The following CADM2 variants were observed in gnomAD, a reference collection of about 807,000 sequenced individuals.
CADM2 encodes cell adhesion molecule 2.
CADM2 carries 12 observed loss-of-function variants against 49.8 expected under a neutral mutation model. That is an observed-to-expected ratio of 0.24 (90% CI 0.15 to 0.39). The LOEUF (loss-of-function observed/expected upper bound fraction) is 0.39. Ranked by LOEUF, CADM2 falls within the 10% of genes least tolerant of loss-of-function variation. CADM2 has a pLI of 1.00. For missense variants in CADM2, 378 were observed against 492.3 expected (o/e 0.77, Z 2.20); for synonymous variants, 214 against 175.4 (o/e 1.22, Z -1.74).
chr3:85,221,338 C>A (rs1345835049), intron 1 of CADM2, among the ~76,000 whole-genome samples: 1 of 152,076 alleles, frequency 6.6e-6, no homozygotes, highest in Non-Finnish European at 1.5e-5. Context: ...TAATCTCTAT[C>A]TTTTTAGTAT....
intron 1 of CADM2, among the ~76,000 whole-genome samples, chr3:85,111,621 A>G (rs1267393595): frequency 2.0e-5 from 3 of 150,558 alleles, no homozygotes; most frequent in South Asian, 4.2e-4. Context: ...AGGATGGTAT[A>G]GGGTTGTGGA....
rs550039205 is a variant in CADM2 at position 85,489,016 on chromosome 3, T to C, written c.62-237506T>C. Among the ~76,000 whole-genome samples the C allele has an allele frequency of 6.6e-4, 101 of 152,292 alleles. 1 individual carries two copies. Among genetic ancestry groups the C allele is most frequent in the African/African-American group, 2.3e-3 (96 of 41,564 alleles). On this transcript the variant is annotated intron_variant, in intron 1 of 9. Transcript: ENST00000383699. The stretch of plus-strand genomic sequence containing the variant: ...TACTGTGTATATTTATTTATATATT[T>C]TCCTGGGTAATATCTTAAGAATCTT...
intron 1 of CADM2, among the ~76,000 whole-genome samples, chr3:85,533,446 A>C (rs1366866497): frequency 2.0e-5 from 3 of 152,148 alleles, no homozygotes; most frequent in Admixed American, 2.0e-4. Context: ...ATTTCTGAGG[A>C]GGCAAAAGTC....
chr3:85,844,375 A>T (rs2108272212), intron 3 of CADM2, among the ~76,000 whole-genome samples: 1 of 152,180 alleles, frequency 6.6e-6, no homozygotes, highest in South Asian at 2.1e-4. Flanking sequence ...CCTTTTTTAA[A>T]ATGTGTTTTT....
At chr3:85,049,719 A>G (rs917790836) in intron 1 of CADM2, among the ~76,000 whole-genome samples, 1 of 152,182 alleles carries the variant, frequency 6.6e-6, no homozygotes. Flanking sequence ...CATAGAATCT[A>G]TATTTAGATT....
intron 1 of CADM2, among the ~76,000 whole-genome samples, chr3:85,028,859 A>C (rs1245036003): frequency 1.3e-5 from 2 of 151,914 alleles, no homozygotes; most frequent in African/African-American, 4.8e-5. Flanking sequence ...TCAACTTTTT[A>C]AAATATATTC....
chr3:85,629,317 C>G (rs1026540760), intron 1 of CADM2, among the ~76,000 whole-genome samples: 2 of 151,666 alleles, frequency 1.3e-5, no homozygotes, highest in Non-Finnish European at 2.9e-5. Flanking sequence ...GAGGACGAAG[C>G]CTACTAAAAT....
intron 1 of CADM2, among the ~76,000 whole-genome samples, chr3:85,332,787 C>T (rs1472490836): frequency 6.6e-6 from 1 of 151,870 alleles, no homozygotes; most frequent in African/African-American, 2.4e-5. Context: ...AAAAGATCTA[C>T]TGCTAGTTTG....
chr3:85,529,929 T>G (rs2106946936), intron 1 of CADM2, among the ~76,000 whole-genome samples: 1 of 152,286 alleles, frequency 6.6e-6, no homozygotes, highest in African/African-American at 2.4e-5. Context: ...ACTTTTTTCC[T>G]TCATAGCACT....
At chr3:85,415,721 C>T (rs376928590) in intron 1 of CADM2, among the ~76,000 whole-genome samples, 3 of 152,016 alleles carry the variant, frequency 2.0e-5, no homozygotes, top group Admixed American at 6.5e-5. Flanking sequence ...GTACTTCAAA[C>T]AAAATTTTTG....
At chr3:85,303,616 A>G (rs985337334) in intron 1 of CADM2, among the ~76,000 whole-genome samples, 1 of 151,920 alleles carries the variant, frequency 6.6e-6, no homozygotes, top group African/African-American at 2.4e-5. Flanking sequence ...AGGTCATATG[A>G]TATATATTAT....
At chr3:85,761,209 G>A (rs1257570862) in intron 2 of CADM2, among the ~76,000 whole-genome samples, 1 of 151,956 alleles carries the variant, frequency 6.6e-6, no homozygotes, top group Non-Finnish European at 1.5e-5. Flanking sequence ...CATAAATAGG[G>A]ATGGAAACCC....
chr3:85,920,720 C>G (rs1424643944), intron 6 of CADM2, among the ~76,000 whole-genome samples: 1 of 151,326 alleles, frequency 6.6e-6, no homozygotes, highest in Non-Finnish European at 1.5e-5. Flanking sequence ...GTATTTTAAG[C>G]CATCTACAGG....
At chr3:86,049,435 C>A (rs371913598) in intron 8 of CADM2, among the ~76,000 whole-genome samples, 1 of 151,640 alleles carries the variant, frequency 6.6e-6, no homozygotes, top group African/African-American at 2.4e-5. Context: ...CCACCACGCC[C>A]GGCTAATTTT....
chr3:84,990,781 T>C (rs1421601374), intron 1 of CADM2, among the ~76,000 whole-genome samples: 1 of 151,962 alleles, frequency 6.6e-6, no homozygotes, highest in African/African-American at 2.4e-5. Context: ...AAGAGAAAAA[T>C]CAAATGTGGA....
intron 1 of CADM2, among the ~76,000 whole-genome samples, chr3:85,291,699 G>A (rs2043802057): frequency 6.8e-6 from 1 of 147,068 alleles, no homozygotes. Context: ...AGCTTCATAA[G>A]TGAAGGAGAA....
At chr3:85,547,721 C>A (rs2061701548) in intron 1 of CADM2, among the ~76,000 whole-genome samples, 1 of 152,166 alleles carries the variant, frequency 6.6e-6, no homozygotes. Flanking sequence ...TGAATCTCCA[C>A]TTTAGTCAAC....
chr3:85,219,902 T>A (rs1409900583), intron 1 of CADM2, among the ~76,000 whole-genome samples: 1 of 152,170 alleles, frequency 6.6e-6, no homozygotes, highest in Non-Finnish European at 1.5e-5. Context: ...TTGAGGCACA[T>A]GAAATCTTAA....
At chr3:85,727,156 G>A (rs2067735108) in intron 2 of CADM2, among the ~76,000 whole-genome samples, 1 of 151,990 alleles carries the variant, frequency 6.6e-6, no homozygotes, top group Non-Finnish European at 1.5e-5. Flanking sequence ...TCAAATACAT[G>A]TATGATACTG....
Sources: gnomAD v4.1 joint callset for allele counts (sites outside exome capture counted in the v4.1 genomes callset) on GRCh38, gnomAD v4.1.1 for gene constraint, MANE v1.5 for transcripts, NCBI Gene and HGNC (gene_info 2026-07-23, HGNC 2026-07-21) for gene names.